GGTA1: variants seen among roughly 807,000 people sequenced by gnomAD.
GGTA1 encodes glycoprotein alpha-galactosyltransferase 1 (inactive), also known as inactive N-acetyllactosaminide alpha-1,3-galactosyltransferase.
Under a neutral mutation model 2.6 loss-of-function variants are expected in GGTA1, and 5 were observed. That is an observed-to-expected ratio of 1.92 (90% CI 1.00 to 4.04). The LOEUF (loss-of-function observed/expected upper bound fraction) is 4.04. Among genes scored for constraint, GGTA1 ranks in the 30% most tolerant of loss-of-function variants. GGTA1 has a pLI of 0.00. For synonymous variants in GGTA1, 17 were observed against 5.0 expected (o/e 3.38, Z -3.19); for missense variants, 50 against 16.7 (o/e 2.99, Z -3.47).
chr9:121,477,501 T>C (rs73661736), intron 1 of GGTA1, among the ~76,000 whole-genome samples: 288 of 152,290 alleles, frequency 1.9e-3, no homozygotes, highest in African/African-American at 6.6e-3. Context: ...TCAGTCTTTG[T>C]TATTTGTTGT....
chr9:121,479,115 A>C (rs1006353361), intron 1 of GGTA1: 1 of 456,418 alleles, frequency 2.2e-6, no homozygotes, highest in Non-Finnish European at 4.4e-6. Flanking sequence ...TGCTGGAGAG[A>C]CAAGGACTTG....
At chr9:121,478,718 G>A (rs371269668) in intron 1 of GGTA1, among the ~76,000 whole-genome samples, 3 of 152,280 alleles carry the variant, frequency 2.0e-5, no homozygotes, top group South Asian at 4.1e-4. Flanking sequence ...GCCCACTGTC[G>A]CTCCAGCCAT....
Position 121,477,573 on chromosome 9 carries a change from C to CTTTT in GGTA1, c.-9-9646_-9-9643dup, listed in dbSNP as rs34446366. 4.2e-4 allele frequency among the ~76,000 whole-genome samples: 43 copies of CTTTT among 101,486 alleles called. 3 individuals carry two copies. The highest frequency in any genetic ancestry group is 5.8e-4 in the Admixed American group (4 of 6,932). The allele number at this position is 101,486 out of a possible 152,430, so 66.6% of individuals were successfully genotyped here. The stretch of plus-strand genomic sequence containing the variant: ...ACCTAACATTGCATTTGCAACCTTG[C>CTTTT]TTTTTTTTTTTTTTTTTTTTGAGAC... On this transcript the variant is annotated intron_variant, in intron 1 of 5. Coordinates refer to ENST00000481799, the MANE Select transcript of GGTA1 (RefSeq NM_001382585.1).
intron 3 of GGTA1, among the ~76,000 whole-genome samples, chr9:121,462,353 G>GAAAGA (rs2064967262): frequency 1.3e-5 from 2 of 151,944 alleles, no homozygotes; most frequent in Non-Finnish European, 2.9e-5. Flanking sequence ...AAAAAGAAAA[G>GAAAGA]AAAGAAAAGA....
intron 7 of GGTA1, among the ~76,000 whole-genome samples, chr9:121,449,996 A>C (rs1469808607): frequency 6.6e-6 from 1 of 152,148 alleles, no homozygotes; most frequent in African/African-American, 2.4e-5. Context: ...ACTTGACCAA[A>C]CCCTAAACAC....
intron 2 of GGTA1, among the ~76,000 whole-genome samples, chr9:121,466,632 T>C (rs1019432868): frequency 2.5e-4 from 38 of 152,076 alleles, no homozygotes; most frequent in Admixed American, 1.3e-4. Context: ...AAGACAGTCC[T>C]CCTAGATCAT....
At chr9:121,467,585 G>A (rs897317531) in intron 2 of GGTA1, among the ~76,000 whole-genome samples, 1 of 152,072 alleles carries the variant, frequency 6.6e-6, no homozygotes, top group Non-Finnish European at 1.5e-5. Flanking sequence ...ATTTTCTCTG[G>A]ATCTAGCCTA....
intron 1 of GGTA1, chr9:121,494,922 C>CTTTTTTTTTT (rs66772492): frequency 3.5e-5 from 4 of 114,012 alleles, no homozygotes; most frequent in Non-Finnish European, 5.2e-5. Flanking sequence ...CTACATCATT[C>CTTTTTTTTTT]TTTTTTTTTT....
At chr9:121,479,074 C>T (rs775341737) in intron 1 of GGTA1, 4 of 456,446 alleles carry the variant, frequency 8.8e-6, no homozygotes, top group South Asian at 3.1e-5. Context: ...ACAGTGAAGT[C>T]CCTGAGCCGG....
At chr9:121,458,019 C>G (rs1348199593) in intron 5 of GGTA1, among the ~76,000 whole-genome samples, 1 of 150,368 alleles carries the variant, frequency 6.7e-6, no homozygotes, top group African/African-American at 2.4e-5. Context: ...AAGCAATTCT[C>G]ATACCTCAGC....
intron 3 of GGTA1, among the ~76,000 whole-genome samples, chr9:121,462,368 G>T (rs2064967386): frequency 6.6e-6 from 1 of 151,990 alleles, no homozygotes; most frequent in African/African-American, 2.4e-5. Context: ...AAAAGAAAAG[G>T]TGGGTGCCTT....
At chr9:121,457,069 C>T (rs954705338) in intron 5 of GGTA1, among the ~76,000 whole-genome samples, 1 of 152,116 alleles carries the variant, frequency 6.6e-6, no homozygotes, top group Non-Finnish European at 1.5e-5. Flanking sequence ...GATGGCATAG[C>T]GGCTGTCGAG....
chr9:121,463,173 C>T (rs2064974667), intron 3 of GGTA1, 120 bp downstream of exon 3: 1 of 425,812 alleles, frequency 2.3e-6, no homozygotes, highest in Non-Finnish European at 4.6e-6. Flanking sequence ...AATCCACCCA[C>T]CCACCCCTCC....
At chr9:121,461,161 GAGA>G (rs1589328740) in intron 4 of GGTA1, 88 bp downstream of exon 4, 1 of 396,426 alleles carries the variant, frequency 2.5e-6, no homozygotes, top group Non-Finnish European at 5.0e-6. Flanking sequence ...ATGAGTGACT[GAGA>G]AGGTCATGAA....
chr9:121,469,862 C>T (rs906727137), intron 1 of GGTA1, among the ~76,000 whole-genome samples: 5 of 152,142 alleles, frequency 3.3e-5, no homozygotes, highest in African/African-American at 9.7e-5. Flanking sequence ...GGGCCAGGTA[C>T]GGGACAACTA....
chr9:121,462,146 A>G (rs2064965293), intron 3 of GGTA1, among the ~76,000 whole-genome samples: 1 of 152,198 alleles, frequency 6.6e-6, no homozygotes. Flanking sequence ...CAACACAGTG[A>G]AACCCCATCT....
chr9:121,480,545 C>T (rs568364952), intron 1 of GGTA1, among the ~76,000 whole-genome samples: 1 of 152,166 alleles, frequency 6.6e-6, no homozygotes, highest in South Asian at 2.1e-4. Context: ...GTCTGGAAAC[C>T]CCAGACTAAA....
At chr9:121,479,083 G>C in intron 1 of GGTA1, 1 of 456,434 alleles carries the variant, frequency 2.2e-6, no homozygotes, top group Non-Finnish European at 4.4e-6. Flanking sequence ...TCCCTGAGCC[G>C]GCATCCTTCT....
chr9:121,483,185 A>G (rs902916645), intron 1 of GGTA1, among the ~76,000 whole-genome samples: 4 of 152,062 alleles, frequency 2.6e-5, no homozygotes, highest in Non-Finnish European at 5.9e-5. Flanking sequence ...GTGGTAGGAC[A>G]GGGCCCTTCA....
Sources: gnomAD v4.1 joint callset for allele counts (sites outside exome capture counted in the v4.1 genomes callset) on GRCh38, gnomAD v4.1.1 for gene constraint, MANE v1.5 for transcripts, NCBI Gene and HGNC (gene_info 2026-07-23, HGNC 2026-07-21) for gene names.